Variants in PHF20 observed in about 807,000 individuals in gnomAD.
The protein encoded by PHF20 is PHD finger protein 20, also known as glioma-expressed antigen 2.
In PHF20, 23 loss-of-function variants were observed where a neutral mutation model predicts 113.5. The ratio of observed to expected loss-of-function variants is 0.20; its 90% CI spans 0.15 to 0.29. The LOEUF is 0.29. PHF20 is among the 10% of genes least tolerant of loss of function. PHF20 has a pLI of 1.00. For synonymous variants in PHF20, 434 were observed against 457.3 expected, an observed-to-expected ratio of 0.95 and a Z score of 0.65; for missense variants, 943 against 1,219.6, an observed-to-expected ratio of 0.77 and a Z score of 3.38.
intron 11 of PHF20, 91 bp downstream of exon 11, chr20:35,913,438 T>C (rs2055345363): frequency 1.2e-6 from 1 of 833,050 alleles, no homozygotes; most frequent in Non-Finnish European, 2.0e-6. Context: ...GGGCCTGCGC[T>C]GAGCAGAGGA....
intron 10 of PHF20, among the ~76,000 whole-genome samples, chr20:35,902,576 C>T (rs2055118349): frequency 6.6e-6 from 1 of 152,156 alleles, no homozygotes; most frequent in Non-Finnish European, 1.5e-5. Flanking sequence ...GAGCGTGGGG[C>T]AGGTATTCCT....
At chr20:35,947,379 C>T in intron 17 of PHF20, 106 bp from the exon 18 acceptor site, 1 of 1,231,030 alleles carries the variant, frequency 8.1e-7, no homozygotes, top group Non-Finnish European at 1.1e-6. Flanking sequence ...GGCCCTTCCT[C>T]CCTTGCCCCA....
intron 15 of PHF20, among the ~76,000 whole-genome samples, chr20:35,931,991 AG>A (rs1264528095): frequency 6.6e-6 from 1 of 151,870 alleles, no homozygotes; most frequent in Non-Finnish European, 1.5e-5. Flanking sequence ...CATTGTATGC[AG>A]CCGTGAAGCC....
chr20:35,939,418 T>C (rs1031093592), intron 16 of PHF20, among the ~76,000 whole-genome samples: 1 of 152,164 alleles, frequency 6.6e-6, no homozygotes, highest in African/African-American at 2.4e-5. Flanking sequence ...AACTCATCTT[T>C]TCTTTAAGGC....
Position 35,938,757 on chromosome 20 carries a change from G to C in PHF20, c.2361G>C (p.Glu787Asp). ...WCQPWKQHSG[E>D]GRSHFRNIPV... ...AGCCTTGGAAACAGCACTCAGGGGA[G>C]GGGAGATCTCATTTCAGAAACATCC... is the stretch of plus-strand genomic sequence containing the variant. The change falls in exon 16 of 18, where the codon GAG (glutamate) becomes GAC (aspartate). Residue 787 changes from glutamate to aspartate, a missense_variant. Glu to Asp is a conservative substitution (Grantham distance 45). Around this residue, in one of 3 missense-constraint regions of PHF20, gnomAD observed 349 missense variants for 412.3 expected, o/e 0.85. Transcript: ENST00000374012. The C allele has an allele frequency of 1.2e-6, 2 of 1,614,100 alleles. No individual in the cohort carries two copies. Among genetic ancestry groups the C allele is most frequent in the Non-Finnish European group, 1.7e-6 (2 of 1,179,972 alleles).
At chr20:35,924,177 C>A (rs2055573945) in intron 13 of PHF20, among the ~76,000 whole-genome samples, 1 of 145,986 alleles carries the variant, frequency 6.8e-6, no homozygotes, top group South Asian at 2.1e-4. Flanking sequence ...ATAGTATTTT[C>A]TTTTCTTTTC....
chr20:35,859,634 C>A (rs1202648598), intron 5 of PHF20, among the ~76,000 whole-genome samples: 4 of 151,680 alleles, frequency 2.6e-5, no homozygotes, highest in Non-Finnish European at 4.4e-5. Context: ...AACTTCCCCG[C>A]CTCCCCAGTT....
At chr20:35,862,432 T>C (rs2146971199) in intron 5 of PHF20, among the ~76,000 whole-genome samples, 1 of 152,290 alleles carries the variant, frequency 6.6e-6, no homozygotes, top group East Asian at 1.9e-4. Context: ...AAAGATTGCT[T>C]TCCAGAATTT....
chr20:35,871,716 A>T lies in PHF20; in HGVS notation c.1169A>T (p.Asp390Val), dbSNP rs777301538. 1.9e-6 allele frequency: 3 copies of T among 1,613,638 alleles called. No individual in the cohort carries two copies. Among genetic ancestry groups the T allele is most frequent in the South Asian group, 1.1e-5 (1 of 91,038 alleles). ...SSALTCHSFG[D>V]GSGAAGLELN... ...GCACTGACTTGCCACTCCTTTGGGG[A>T]TGGATCCGGGGCTGCAGGCTTGGAG... The change falls in exon 9 of 18, where the codon GAT becomes GTT. Residue 390 changes from aspartate to valine, a missense_variant. Physicochemically the swap from Asp to Val is radical, Grantham distance 152. Transcript: ENST00000374012.
chr20:35,792,704 T>A (rs2146850292), intron 1 of PHF20, among the ~76,000 whole-genome samples: 1 of 152,336 alleles, frequency 6.6e-6, no homozygotes, highest in South Asian at 2.1e-4. Context: ...GTATATTGGA[T>A]ACTGTTTGTT....
At chr20:35,814,892 A>AAAAAAAAAAAT (rs2042043682) in intron 2 of PHF20, among the ~76,000 whole-genome samples, 1 of 110,180 alleles carries the variant, frequency 9.1e-6, no homozygotes, top group African/African-American at 3.7e-5. Context: ...AAAAAAAAAT[A>AAAAAAAAAAAT]AAATAAATAA....
At chr20:35,795,480 GC>G (rs889039163) in intron 1 of PHF20, among the ~76,000 whole-genome samples, 3 of 151,982 alleles carry the variant, frequency 2.0e-5, no homozygotes, top group African/African-American at 7.2e-5. Context: ...CAAGTGATCT[GC>G]CCACTTTGCC....
At chr20:35,899,697 C>T (rs759395708) in intron 10 of PHF20, 49 bp downstream of exon 10, 1 of 1,577,924 alleles carries the variant, frequency 6.3e-7, no homozygotes, top group Non-Finnish European at 8.7e-7. Flanking sequence ...AGTTGCTTGG[C>T]CACAGTGCTT....
chr20:35,837,633 A>T (rs986716738), intron 2 of PHF20, among the ~76,000 whole-genome samples: 3 of 152,226 alleles, frequency 2.0e-5, no homozygotes, highest in Non-Finnish European at 2.9e-5. Flanking sequence ...TCAGCAATTA[A>T]ATGTGGTTCA....
intron 1 of PHF20, among the ~76,000 whole-genome samples, chr20:35,790,886 C>T (rs1414821145): frequency 6.6e-6 from 1 of 151,970 alleles, no homozygotes; most frequent in Non-Finnish European, 1.5e-5. Flanking sequence ...TGAGACAGAG[C>T]CTTGCTCTGT....
chr20:35,846,336 A>T (rs564212603), intron 3 of PHF20, among the ~76,000 whole-genome samples: 37 of 151,764 alleles, frequency 2.4e-4, no homozygotes, highest in African/African-American at 8.9e-4. Flanking sequence ...CCGCCACCAC[A>T]CAGGCTAATT....
intron 1 of PHF20, among the ~76,000 whole-genome samples, chr20:35,798,172 G>A (rs143096353): frequency 1.1e-4 from 17 of 152,226 alleles, no homozygotes; most frequent in African/African-American, 4.1e-4. Flanking sequence ...CAGCACTTTG[G>A]GAGGCTGAGT....
intron 14 of PHF20, among the ~76,000 whole-genome samples, chr20:35,929,377 C>A (rs2055706534): frequency 2.0e-5 from 3 of 152,226 alleles, no homozygotes; most frequent in Admixed American, 2.0e-4. Flanking sequence ...TCCACTTGTC[C>A]CTTTATCCCA....
chr20:35,842,559 T>G lies in PHF20; in HGVS notation c.84-14T>G. 1 of 1,600,918 alleles carries G rather than the reference T, an allele frequency of 6.2e-7. No homozygotes were observed. The highest frequency in any genetic ancestry group is 1.7e-4 in the Middle Eastern group (1 of 5,968). On this transcript the variant is annotated splice_polypyrimidine_tract_variant and intron_variant, in intron 2 of 17. Transcript: ENST00000374012. ...GGTATTAAAGGAATGCCAATTTTTTTTTTTCTGACTCAGGTATCCAGCTCA... is the reference window on the plus strand; with the variant it reads ...GGTATTAAAGGAATGCCAATTTTTTGTTTTCTGACTCAGGTATCCAGCTCA...
Sources: gnomAD v4.1 joint callset for allele counts (sites outside exome capture counted in the v4.1 genomes callset) on GRCh38, gnomAD v4.1.1 for gene constraint, gnomAD v4.1.1 regional missense constraint, MANE v1.5 for transcripts, NCBI Gene and HGNC (gene_info 2026-07-23, HGNC 2026-07-21) for gene names.